Variants in NKIRAS1 observed in about 807,000 individuals in gnomAD.
NKIRAS1 encodes the protein NFKB inhibitor interacting Ras like 1, also known as NF-kappa-B inhibitor-interacting Ras-like protein 1.
In NKIRAS1, 16 loss-of-function variants were observed where a neutral mutation model predicts 19.8. The observed-to-expected ratio is 0.81, with a 90% CI of 0.55 to 1.23. The LOEUF (loss-of-function observed/expected upper bound fraction) is 1.23, where lower values mean the gene tolerates loss of function less well. NKIRAS1 is among the 50% of genes most tolerant of loss of function. The probability of loss-of-function intolerance (pLI) is 0.00; values close to 1 mark genes in which losing one functional copy is unlikely to be tolerated. For synonymous variants in NKIRAS1, 88 were observed against 79.0 expected, an observed-to-expected ratio of 1.11 and a Z score of -0.61; for missense variants, 184 against 220.0, an observed-to-expected ratio of 0.84 and a Z score of 1.04.
At chr3:23,943,687 A>G (rs1448104836) in intron 1 of NKIRAS1, among the ~76,000 whole-genome samples, 1 of 152,248 alleles carries the variant, frequency 6.6e-6, no homozygotes, top group Admixed American at 6.5e-5. Context: ...TGATACATGA[A>G]AAAGCAAGCA....
Position 23,900,858 on chromosome 3 carries a change from T to G in NKIRAS1, c.286A>C (p.Arg96=). ...YSVNNLESFQ[R]VELLKKEIDK... ...ATTTCTTTCTTCAGAAGCTCCACTC[T>G]TTGAAAGGATTCAAGGTTATTCACA... Residue 96 remains arginine, a synonymous_variant, in exon 4 of 5, where the codon AGA becomes CGA. Coordinates refer to ENST00000425478, the MANE Select transcript of NKIRAS1 (RefSeq NM_020345.4). 1 of 1,613,704 alleles carries G rather than the reference T, an allele frequency of 6.2e-7. No homozygotes were observed. The highest frequency in any genetic ancestry group is 1.7e-5 in the Admixed American group (1 of 60,022).
intron 3 of NKIRAS1, among the ~76,000 whole-genome samples, chr3:23,910,003 C>T (rs1459313259): frequency 6.6e-6 from 1 of 151,748 alleles, no homozygotes; most frequent in Non-Finnish European, 1.5e-5. Flanking sequence ...CGACTACAGG[C>T]GTGCACCGCC....
chr3:23,944,463 G>A (rs182888067), intron 1 of NKIRAS1, among the ~76,000 whole-genome samples: 20 of 152,134 alleles, frequency 1.3e-4, no homozygotes, highest in African/African-American at 4.8e-4. Context: ...TTTAAATTGC[G>A]GGCATCAATG....
rs371059811 is a variant in NKIRAS1 at position 23,924,684 on chromosome 3, A to G, written c.-139-13234T>C. The stretch of plus-strand genomic sequence containing the variant: ...CCCAAAGTGCTGGGATTACAGGAAT[A>G]AGCCACCAAGCCTGGCCCTGCTCAT... On this transcript the variant is annotated intron_variant, in intron 1 of 4. Transcript: ENST00000421515. Among the ~76,000 whole-genome samples, 425 of 152,248 alleles carry G rather than the reference A, an allele frequency of 2.8e-3. 7 individuals carry two copies. The highest frequency in any genetic ancestry group is 0.025 in the South Asian group (122 of 4,820).
At chr3:23,898,264 A>G (rs757940938) in intron 4 of NKIRAS1, among the ~76,000 whole-genome samples, 1 of 152,196 alleles carries the variant, frequency 6.6e-6, no homozygotes, top group East Asian at 1.9e-4. Context: ...TCTAAATAAA[A>G]TATCAATAAC....
chr3:23,945,754 C>T (rs1705655937), intron 1 of NKIRAS1, among the ~76,000 whole-genome samples: 1 of 150,346 alleles, frequency 6.7e-6, no homozygotes, highest in South Asian at 2.1e-4. Flanking sequence ...CCCATCGCCC[C>T]CCGGGCCGCC....
chr3:23,900,974 A>C lies in NKIRAS1; in HGVS notation c.170T>G (p.Leu57Ter). Residue 57 changes from leucine (L) to a stop codon, truncating the protein, a stop_gained, in exon 4 of 5, where the codon TTA becomes TGA. Transcript: ENST00000425478. LOFTEE classifies it high-confidence loss of function. ...VETDRGVKEQ[L>*]HLYDTRGLQE... is the part of the protein sequence containing the mutation. ...TAGACCTCTGGTGTCATAAAGATGT[A>C]ACTGTTCTTTTACTCCTCGGTCTGT... 1 of 1,614,126 alleles carries C rather than the reference A, an allele frequency of 6.2e-7. No homozygotes were observed. Among genetic ancestry groups the C allele is most frequent in the East Asian group, 2.2e-5 (1 of 44,862 alleles).
At chr3:23,933,744 C>T (rs1458292061) in intron 1 of NKIRAS1, among the ~76,000 whole-genome samples, 1 of 152,128 alleles carries the variant, frequency 6.6e-6, no homozygotes, top group East Asian at 1.9e-4. Flanking sequence ...ATGTCTTAGT[C>T]ACTTTGTGCT....
intron 4 of NKIRAS1, among the ~76,000 whole-genome samples, chr3:23,900,563 A>C (rs1193523656): frequency 6.8e-6 from 1 of 147,396 alleles, no homozygotes; most frequent in African/African-American, 2.5e-5. Context: ...TGTACCCGGG[A>C]GGCGGAGGTT....
At chr3:23,945,603 C>T (rs1315936346) in intron 1 of NKIRAS1, 9 of 1,136,822 alleles carry the variant, frequency 7.9e-6, no homozygotes, top group Non-Finnish European at 9.8e-6. Flanking sequence ...AGGTAAGAAC[C>T]GGACTGCGGC....
At position 23,916,944 on chromosome 3, in the gene NKIRAS1, C is replaced by T. The variant is rs2125246596; in HGVS notation, c.-300G>A. 6.5e-6 allele frequency: 1 copy of T among 152,786 alleles called. No homozygotes were observed. The highest frequency in any genetic ancestry group is 2.4e-5 in the African/African-American group (1 of 41,586). 9.5% of individuals were successfully genotyped at this position (152,786 alleles called of 1,614,324 possible). On this transcript the variant is annotated 5_prime_UTR_variant, in exon 1 of 5. Transcript: ENST00000425478. ...GCCAACTCTCTCACCTCTCGAGACG[C>T]CCAGGCCGCTCAGGCTCGAATCTTG...
At position 23,922,383 on chromosome 3, in the gene NKIRAS1, T is replaced by C. The variant is rs577865117; in HGVS notation, c.-139-10933A>G. 67 of 152,348 alleles carry C rather than the reference T, an allele frequency of 4.4e-4. No homozygotes were observed. Among genetic ancestry groups the C allele is most frequent in the African/African-American group, 1.5e-3 (61 of 41,566 alleles). The allele number at this position is 152,348 out of a possible 1,614,324, so 9.4% of individuals were successfully genotyped here. A position where few individuals can be genotyped will look rare whatever the true frequency, so the allele number is the denominator to read the frequency against. ...CAGTCTGAATTCAAATCCTATACAC[T>C]TAAAGTTTATTTGTTTTGTTTTGGT... On this transcript the variant is annotated intron_variant, in intron 1 of 4. Coordinates refer to the NKIRAS1 transcript ENST00000421515. This position sits in a 1 kb window ranked among gnomAD's most constrained non-coding sequence, Gnocchi z 4.2.
upstream of NKIRAS1, chr3:23,917,021 C>G (rs1292863127): frequency 6.6e-6 from 1 of 152,580 alleles, no homozygotes; most frequent in African/African-American, 2.4e-5. Context: ...CGGCAGAACT[C>G]CGCCACCAGG....
At chr3:23,900,596 T>C (rs182051133) in intron 4 of NKIRAS1, among the ~76,000 whole-genome samples, 15 of 150,298 alleles carry the variant, frequency 1.0e-4, no homozygotes, top group Admixed American at 8.7e-4. Context: ...GATCGCATCA[T>C]TGCACTTTCA....
chr3:23,918,550 G>T, upstream of NKIRAS1: 1 of 1,614,010 alleles, frequency 6.2e-7, no homozygotes, highest in Non-Finnish European at 8.5e-7. Context: ...GCTAAAGTTT[G>T]CTCGAAGCCT....
intron 1 of NKIRAS1, among the ~76,000 whole-genome samples, chr3:23,939,240 C>T (rs546638882): frequency 1.3e-5 from 2 of 151,598 alleles, no homozygotes; most frequent in South Asian, 2.1e-4. Context: ...CAAATGTATA[C>T]GATAAATGTC....
At chr3:23,937,166 G>A (rs1218806709) in intron 1 of NKIRAS1, among the ~76,000 whole-genome samples, 1 of 140,778 alleles carries the variant, frequency 7.1e-6, no homozygotes, top group African/African-American at 2.6e-5. Context: ...GATCACTTGA[G>A]GCTAGAGTTC....
chr3:23,890,225 A>T lies in NKIRAS1; in HGVS notation c.*2870T>A, dbSNP rs1002536201. Among the ~76,000 whole-genome samples the T allele has an allele frequency of 6.6e-6, 1 of 152,182 alleles. No individual in the cohort carries two copies. Among genetic ancestry groups the T allele is most frequent in the Non-Finnish European group, 1.5e-5 (1 of 68,030 alleles). ...CTCTACTGAACTCAGCCTAACACATAAGAGTAAAGAAACTCCAATTGAGTG... is the reference window on the plus strand; with the variant it reads ...CTCTACTGAACTCAGCCTAACACATTAGAGTAAAGAAACTCCAATTGAGTG... On this transcript the variant is annotated 3_prime_UTR_variant, in exon 5 of 5. Coordinates refer to ENST00000425478, the MANE Select transcript of NKIRAS1 (RefSeq NM_020345.4).
chr3:23,920,574 G>A, upstream of NKIRAS1: 1 of 985,310 alleles, frequency 1.0e-6, no homozygotes, highest in Non-Finnish European at 1.2e-6. Flanking sequence ...GTCAATTTGA[G>A]TGTAAAGAAA....
Sources: gnomAD v4.1 joint callset for allele counts (sites outside exome capture counted in the v4.1 genomes callset) on GRCh38, gnomAD v4.1.1 for gene constraint, Gnocchi (gnomAD v3.1) non-coding constraint, MANE v1.5 for transcripts, NCBI Gene and HGNC (gene_info 2026-07-23, HGNC 2026-07-21) for gene names.